Variants in CLINT1 observed in about 807,000 individuals in gnomAD.
CLINT1 encodes the protein clathrin interactor 1, also known as clathrin interacting protein localized in the trans-Golgi region.
In CLINT1, 15 loss-of-function variants were observed where a neutral mutation model predicts 70.4. The ratio of observed to expected loss-of-function variants is 0.21; its 90% CI spans 0.14 to 0.33. The LOEUF (loss-of-function observed/expected upper bound fraction) is 0.33. CLINT1 is among the 10% of genes least tolerant of loss of function. The probability of loss-of-function intolerance (pLI) is 1.00; values close to 1 mark genes in which losing one functional copy is unlikely to be tolerated. For synonymous variants in CLINT1, 227 were observed against 254.7 expected (o/e 0.89, Z 1.04); for missense variants, 615 against 778.1 (o/e 0.79, Z 2.49).
At chr5:157,813,964 A>G (rs996072249) in intron 4 of CLINT1, among the ~76,000 whole-genome samples, 3 of 152,016 alleles carry the variant, frequency 2.0e-5, no homozygotes, top group African/African-American at 7.3e-5. Context: ...AAACCCGAAC[A>G]CTCATGTTGT....
intron 3 of CLINT1, 27 bp from the exon 4 acceptor site, chr5:157,814,320 T>C: frequency 7.0e-7 from 1 of 1,434,238 alleles, no homozygotes; most frequent in Non-Finnish European, 9.7e-7. Context: ...CAATAAATGA[T>C]TTAATGAAAT....
At chr5:157,807,114 A>AACTATGACT (rs112816092) in intron 6 of CLINT1, among the ~76,000 whole-genome samples, 105,442 of 151,222 alleles carry the variant, frequency 0.7, 36,867 homozygotes, top group East Asian at 0.79. Flanking sequence ...TTCTCCTTTA[A>AACTATGACT]ACTGCTGATG....
intron 1 of CLINT1, among the ~76,000 whole-genome samples, chr5:157,825,380 A>G (rs1327752840): frequency 6.6e-6 from 1 of 152,150 alleles, no homozygotes; most frequent in Non-Finnish European, 1.5e-5. Flanking sequence ...TTGCACAAAA[A>G]TATTATACCC....
chr5:157,833,721 T>C (rs1485989414), intron 1 of CLINT1, among the ~76,000 whole-genome samples: 3 of 152,144 alleles, frequency 2.0e-5, no homozygotes, highest in Non-Finnish European at 2.9e-5. Context: ...GGTGGATCAC[T>C]TGAGCCTCAG....
intron 1 of CLINT1, among the ~76,000 whole-genome samples, chr5:157,852,221 C>T (rs1388043115): frequency 1.3e-5 from 2 of 152,292 alleles, no homozygotes; most frequent in African/African-American, 2.4e-5. Flanking sequence ...AGATGGAATT[C>T]GCGATATGTC....
chr5:157,825,031 C>G (rs965123473), intron 1 of CLINT1, among the ~76,000 whole-genome samples: 1 of 152,008 alleles, frequency 6.6e-6, no homozygotes, highest in Non-Finnish European at 1.5e-5. Context: ...GATGTCTCTC[C>G]TCTTAAACAT....
chr5:157,842,092 T>C (rs1301687910), intron 1 of CLINT1, among the ~76,000 whole-genome samples: 1 of 152,248 alleles, frequency 6.6e-6, no homozygotes, highest in Non-Finnish European at 1.5e-5. Context: ...TAAGTTTTAA[T>C]GTAAAGGAAA....
chr5:157,791,515 T>C (rs1561635462), intron 10 of CLINT1, 188 bp downstream of exon 10: 1 of 583,372 alleles, frequency 1.7e-6, no homozygotes, highest in Non-Finnish European at 3.0e-6. Flanking sequence ...AGAATGCAAA[T>C]GACTATGCTA....
chr5:157,793,970 T>G (rs906785711), intron 9 of CLINT1, among the ~76,000 whole-genome samples: 3 of 152,144 alleles, frequency 2.0e-5, no homozygotes, highest in Non-Finnish European at 4.4e-5. Context: ...CACCTCATGT[T>G]TAAGATTCTC....
chr5:157,838,147 G>C (rs938005404), intron 1 of CLINT1, among the ~76,000 whole-genome samples: 6 of 140,312 alleles, frequency 4.3e-5, no homozygotes, highest in African/African-American at 8.0e-5. Context: ...TTGAGATGGA[G>C]TCTTGCTCTG....
Position 157,816,772 on chromosome 5 carries a change from A to G in CLINT1, c.205T>C (p.Leu69=). 1 of 1,611,192 alleles carries G rather than the reference A, an allele frequency of 6.2e-7. No individual in the cohort carries two copies. The highest frequency in any genetic ancestry group is 8.5e-7 in the Non-Finnish European group (1 of 1,178,934). The change falls in exon 3 of 12, where the codon TTA becomes CTA. Residue 69 remains leucine, a synonymous_variant. Transcript: ENST00000411809. ...CTCCAATTCTTTTTGTTGTCTTTTAACATTCGTGACCAAAGCATGTTCATA... is the reference window on the plus strand; with the variant it reads ...CTCCAATTCTTTTTGTTGTCTTTTAGCATTCGTGACCAAAGCATGTTCATA... ...ELMNMLWSRM[L]KDNKKNWRRV...
At chr5:157,855,107 G>A (rs1489272079) in intron 1 of CLINT1, among the ~76,000 whole-genome samples, 2 of 131,286 alleles carry the variant, frequency 1.5e-5, no homozygotes, top group Non-Finnish European at 3.1e-5. Flanking sequence ...TCACGCCATT[G>A]CACTTCAGCC....
chr5:157,859,042 G>A lies in CLINT1; in HGVS notation c.-72C>T, dbSNP rs1753858883. On this transcript the variant is annotated 5_prime_UTR_variant, in exon 1 of 12. Coordinates refer to ENST00000411809, the MANE Select transcript of CLINT1 (RefSeq NM_014666.4). ...CGGACCCCGGAACACTTCCGTACCG[G>A]GGCAGTTCCAGGCCGGGGTCACCGC... 6.4e-7 allele frequency: 1 copy of A among 1,570,918 alleles called. No individual in the cohort carries two copies. The highest frequency in any genetic ancestry group is 1.7e-5 in the Admixed American group (1 of 57,804).
intron 6 of CLINT1, among the ~76,000 whole-genome samples, chr5:157,808,318 G>C (rs906576295): frequency 6.6e-5 from 10 of 151,922 alleles, no homozygotes; most frequent in African/African-American, 2.2e-4. Flanking sequence ...TTTTTGTTTG[G>C]ACCTCTTTTT....
chr5:157,819,287 A>T (rs555795826), intron 1 of CLINT1, among the ~76,000 whole-genome samples: 3 of 152,306 alleles, frequency 2.0e-5, no homozygotes, highest in Non-Finnish European at 4.4e-5. Context: ...CTATGGAAGA[A>T]AAGCAAAATC....
At chr5:157,824,232 G>A (rs1468157645) in intron 1 of CLINT1, among the ~76,000 whole-genome samples, 2 of 152,034 alleles carry the variant, frequency 1.3e-5, no homozygotes, top group Non-Finnish European at 2.9e-5. Flanking sequence ...TTTTTATCAG[G>A]GGATAGCCTC....
At position 157,791,093 on chromosome 5, in the gene CLINT1, C is replaced by T. The variant is rs575656945; in HGVS notation, c.1380+610G>A. Among the ~76,000 whole-genome samples the T allele has an allele frequency of 5.9e-5, 9 of 152,212 alleles. No homozygotes were observed. In the East Asian group the frequency reaches 1.7e-3, roughly 29 times the overall value. ...CTTTTTTTTGAGACGGAGTATCACTCTGTCGCCCAGGCTGGAGTGCAGTGG... is the reference window on the plus strand; with the variant it reads ...CTTTTTTTTGAGACGGAGTATCACTTTGTCGCCCAGGCTGGAGTGCAGTGG... On this transcript the variant is annotated intron_variant, in intron 10 of 11. Transcript: ENST00000411809.
intron 1 of CLINT1, among the ~76,000 whole-genome samples, chr5:157,848,377 G>A (rs1483145458): frequency 6.6e-6 from 1 of 151,348 alleles, no homozygotes; most frequent in Non-Finnish European, 1.5e-5. Flanking sequence ...GATTACAGGC[G>A]TGAGCCACTG....
At chr5:157,802,043 C>T (rs1762240219) in intron 8 of CLINT1, among the ~76,000 whole-genome samples, 1 of 151,868 alleles carries the variant, frequency 6.6e-6, no homozygotes, top group African/African-American at 2.4e-5. Context: ...TAAAGGTGCC[C>T]ATCACCACGC....
Sources: allele counts gnomAD v4.1 joint callset (sites outside exome capture counted in the v4.1 genomes callset), GRCh38; gene constraint gnomAD v4.1.1; transcripts MANE v1.5; gene names NCBI Gene and HGNC (gene_info 2026-07-23, HGNC 2026-07-21).